Variants in PTPRQ observed in about 807,000 individuals in gnomAD.
The protein encoded by PTPRQ is protein tyrosine phosphatase receptor type Q, also known as phosphatidylinositol phosphatase PTPRQ.
Under a neutral mutation model 246.0 loss-of-function variants are expected in PTPRQ, and 199 were observed. The ratio of observed to expected loss-of-function variants is 0.81; its 90% confidence interval spans 0.72 to 0.91. PTPRQ has a LOEUF of 0.91. PTPRQ is among the 40% of genes least tolerant of loss of function. The pLI is 0.00. For missense variants in PTPRQ, 2,624 were observed against 2,528.4 expected, an observed-to-expected ratio of 1.04 and a Z score of -0.81; for synonymous variants, 869 against 853.2, an observed-to-expected ratio of 1.02 and a Z score of -0.32.
intron 16 of PTPRQ, among the ~76,000 whole-genome samples, chr12:80,509,232 A>T (rs1565753744): frequency 6.6e-6 from 1 of 152,026 alleles, no homozygotes; most frequent in Non-Finnish European, 1.5e-5. Flanking sequence ...GCTCAATAAA[A>T]TTTTTTTGGA....
chr12:80,625,663 T>C (rs967780462), intron 33 of PTPRQ, among the ~76,000 whole-genome samples: 1 of 152,112 alleles, frequency 6.6e-6, no homozygotes, highest in African/African-American at 2.4e-5. Flanking sequence ...CTTCACTGGA[T>C]GGATAAGTAT....
At chr12:80,465,549 C>T (rs1893367029) in intron 6 of PTPRQ, 1 of 152,140 alleles carries the variant, frequency 6.6e-6, no homozygotes, top group Non-Finnish European at 1.5e-5. Context: ...AGAGACACAA[C>T]CAAAAAAGAG....
chr12:80,604,933 T>C, intron 26 of PTPRQ, 126 bp from the exon 27 acceptor site: 4 of 1,026,700 alleles, frequency 3.9e-6, no homozygotes, highest in South Asian at 6.3e-5. Context: ...CTCTGTGAAA[T>C]ATAAATTAAT....
At chr12:80,678,140 C>T (rs1901203920) in intron 43 of PTPRQ, among the ~76,000 whole-genome samples, 1 of 152,070 alleles carries the variant, frequency 6.6e-6, no homozygotes, top group East Asian at 1.9e-4. Context: ...AGGTGACTAA[C>T]AGATTTATTG....
At chr12:80,632,724 C>A (rs1565831060) in intron 34 of PTPRQ, among the ~76,000 whole-genome samples, 1 of 152,152 alleles carries the variant, frequency 6.6e-6, no homozygotes, top group Non-Finnish European at 1.5e-5. Context: ...CTAGCACATG[C>A]AACCTATCAC....
intron 27 of PTPRQ, among the ~76,000 whole-genome samples, chr12:80,607,785 C>T (rs1592711464): frequency 6.6e-6 from 1 of 150,840 alleles, no homozygotes; most frequent in African/African-American, 2.4e-5. Flanking sequence ...ATGTAAATAT[C>T]ATCCTAGATG....
chr12:80,483,683 C>A (rs959107122), intron 8 of PTPRQ, among the ~76,000 whole-genome samples: 4 of 151,744 alleles, frequency 2.6e-5, no homozygotes, highest in African/African-American at 9.7e-5. Flanking sequence ...TTACTGCACC[C>A]ATCAAAGTGT....
chr12:80,466,422 C>T (rs1219583572), intron 6 of PTPRQ, among the ~76,000 whole-genome samples: 1 of 152,120 alleles, frequency 6.6e-6, no homozygotes, highest in Non-Finnish European at 1.5e-5. Flanking sequence ...ATGAAAATGG[C>T]CACACTGCCC....
rs567097328 is a variant in PTPRQ at position 80,588,027 on chromosome 12, C to T, written c.4286-102C>T. 4.0e-5 allele frequency: 49 copies of T among 1,220,932 alleles called. No homozygotes were observed. The Admixed American group carries it at 7.4e-4, about 18-fold the overall frequency. The allele number at this position is 1,220,932 out of a possible 1,614,324, so 75.6% of individuals were successfully genotyped here. A position where few individuals can be genotyped will look rare whatever the true frequency, so the allele number is the denominator to read the frequency against. On this transcript the variant is annotated intron_variant, in intron 25 of 44. Coordinates refer to ENST00000644991, the MANE Select transcript of PTPRQ (RefSeq NM_001145026.2). ...TAATCTAAGAGCTATAGTAATTTGA[C>T]AGATCTCTACTAGCTCCTCCATAAT...
intron 26 of PTPRQ, among the ~76,000 whole-genome samples, chr12:80,594,186 G>T (rs1271844929): frequency 6.6e-6 from 1 of 152,114 alleles, no homozygotes; most frequent in Non-Finnish European, 1.5e-5. Flanking sequence ...GTTTTCCTTA[G>T]TTTTTTCTAA....
At chr12:80,541,921 G>C (rs1896166069) in intron 21 of PTPRQ, 76 bp downstream of exon 21, 2 of 1,467,006 alleles carry the variant, frequency 1.4e-6, no homozygotes, top group Admixed American at 5.5e-5. Context: ...ATAGGAAATA[G>C]TCTTCAATTA....
chr12:80,502,131 A>G (rs1894816633), intron 14 of PTPRQ, among the ~76,000 whole-genome samples: 1 of 151,966 alleles, frequency 6.6e-6, no homozygotes, highest in Non-Finnish European at 1.5e-5. Context: ...AAGTCTCTGA[A>G]TAGGCAGAAG....
In PTPRQ at chr12:80,619,574, T is replaced by C. The variant is rs574513880; in HGVS notation, c.5389+32T>C. 2.9e-4 allele frequency: 436 copies of C among 1,479,186 alleles called. 1 individual carries two copies. Among genetic ancestry groups the C allele is most frequent in the Middle Eastern group, 8.7e-4 (5 of 5,716 alleles). The allele number at this position is 1,479,186 out of a possible 1,614,324, so 91.6% of individuals were successfully genotyped here. ...TCACATGTCAATTTATCTTGTTAAATTGTGGAGTGTAGATTACTGAGTGCT... is the reference window on the plus strand; with the variant it reads ...TCACATGTCAATTTATCTTGTTAAACTGTGGAGTGTAGATTACTGAGTGCT... On this transcript the variant is annotated intron_variant, in intron 31 of 44. Coordinates refer to ENST00000644991, the MANE Select transcript of PTPRQ (RefSeq NM_001145026.2).
rs1332155895 is a variant in PTPRQ at position 80,459,281 on chromosome 12, C to A, written c.461-3C>A. On this transcript the variant is annotated splice_region_variant and splice_polypyrimidine_tract_variant and intron_variant, in intron 4 of 44. Coordinates refer to ENST00000644991, the MANE Select transcript of PTPRQ (RefSeq NM_001145026.2). The stretch of plus-strand genomic sequence containing the variant: ...TTTCCTTCCCAATCTTTCTCTTCCC[C>A]AGCTCCAGGAAAAGTGGTGAATCTC... The A allele has an allele frequency of 2.5e-6, 1 of 398,294 alleles. No homozygotes were observed. Among genetic ancestry groups the A allele is most frequent in the Non-Finnish European group, 4.4e-6 (1 of 225,892 alleles). The allele number at this position is 398,294 out of a possible 1,614,324, so 24.7% of individuals were successfully genotyped here.
At chr12:80,518,859 A>G (rs1372250907) in intron 17 of PTPRQ, among the ~76,000 whole-genome samples, 5 of 152,158 alleles carry the variant, frequency 3.3e-5, no homozygotes, top group Admixed American at 2.0e-4. Flanking sequence ...TGCCAGTACC[A>G]TACTATTTTG....
At chr12:80,610,766 C>A in intron 28 of PTPRQ, 141 bp downstream of exon 28, 1 of 973,324 alleles carries the variant, frequency 1.0e-6, no homozygotes. Context: ...TGACTCTCTG[C>A]AACTGACAAA....
chr12:80,611,187 G>C (rs1272669333), intron 28 of PTPRQ, among the ~76,000 whole-genome samples: 2 of 150,078 alleles, frequency 1.3e-5, no homozygotes, highest in African/African-American at 2.4e-5. Context: ...TTATGAACAG[G>C]GTCTGAATGA....
At chr12:80,616,415 A>G (rs1898764584) in intron 30 of PTPRQ, 149 bp downstream of exon 30, 1 of 609,090 alleles carries the variant, frequency 1.6e-6, no homozygotes, top group East Asian at 4.4e-5. Flanking sequence ...TGGTTATTAA[A>G]GCTATAGTTA....
At chr12:80,527,274 G>T (rs1382075269) in intron 17 of PTPRQ, among the ~76,000 whole-genome samples, 1 of 151,976 alleles carries the variant, frequency 6.6e-6, no homozygotes, top group Non-Finnish European at 1.5e-5. Flanking sequence ...TCAAGTAATT[G>T]TTAACCTTGT....
Sources: allele counts gnomAD v4.1 joint callset (sites outside exome capture counted in the v4.1 genomes callset), GRCh38; gene constraint gnomAD v4.1.1; transcripts MANE v1.5; gene names NCBI Gene and HGNC (gene_info 2026-07-23, HGNC 2026-07-21).